Variants in ROBO2 observed in about 807,000 individuals in gnomAD.
The protein encoded by ROBO2 is roundabout homolog 2.
ROBO2 carries 53 observed loss-of-function variants against 160.8 expected under a neutral mutation model. The observed-to-expected ratio is 0.33, with a 90% CI of 0.26 to 0.41. The LOEUF is 0.41. Ranked by LOEUF, ROBO2 falls within the 10% of genes least tolerant of loss-of-function variation. The pLI, the probability that ROBO2 is intolerant of heterozygous loss-of-function variation, is 1.00. For synonymous variants in ROBO2, 664 were observed against 611.7 expected (o/e 1.09, Z -1.26); for missense variants, 1,577 against 1,722.4 (o/e 0.92, Z 1.49).
chr3:76,199,156 C>A (rs537402422), intron 2 of ROBO2, among the ~76,000 whole-genome samples: 1 of 152,260 alleles, frequency 6.6e-6, no homozygotes, highest in African/African-American at 2.4e-5. Flanking sequence ...GCCACCCAAG[C>A]ATTCACATCC....
intron 2 of ROBO2, among the ~76,000 whole-genome samples, chr3:76,622,205 A>T (rs1370675393): frequency 2.8e-4 from 9 of 32,584 alleles, no homozygotes; most frequent in East Asian, 2.2e-3. Flanking sequence ...GAAGGAAGGA[A>T]GGAAGGAAGG....
intron 2 of ROBO2, among the ~76,000 whole-genome samples, chr3:76,112,259 C>G (rs185918361): frequency 4.2e-4 from 64 of 152,068 alleles, no homozygotes; most frequent in Non-Finnish European, 8.8e-5. Flanking sequence ...ATCTTGAACT[C>G]CAAAGTGATT....
chr3:76,149,938 AACAC>A (rs529007098), intron 2 of ROBO2, among the ~76,000 whole-genome samples: 1 of 151,512 alleles, frequency 6.6e-6, no homozygotes, highest in South Asian at 2.1e-4. Flanking sequence ...ATCTGTCTAA[AACAC>A]ACATCTGTCT....
At chr3:77,225,135 T>C (rs1030354406) in intron 2 of ROBO2, among the ~76,000 whole-genome samples, 2 of 151,898 alleles carry the variant, frequency 1.3e-5, no homozygotes, top group Admixed American at 1.3e-4. Flanking sequence ...TACTGTGAAG[T>C]ACATTAAAGC....
At chr3:76,332,223 A>AGG (rs967876165) in intron 2 of ROBO2, among the ~76,000 whole-genome samples, 2 of 152,204 alleles carry the variant, frequency 1.3e-5, no homozygotes, top group African/African-American at 4.8e-5. Flanking sequence ...TTATGGGAAG[A>AGG]GGGATCATGG....
chr3:76,642,080 A>G (rs2090707156), intron 2 of ROBO2, among the ~76,000 whole-genome samples: 2 of 152,108 alleles, frequency 1.3e-5, no homozygotes, highest in African/African-American at 2.4e-5. Context: ...CTATTTTTGC[A>G]ATTTTTCTAT....
At chr3:77,182,274 A>G (rs995751467) in intron 2 of ROBO2, among the ~76,000 whole-genome samples, 1 of 152,118 alleles carries the variant, frequency 6.6e-6, no homozygotes. Flanking sequence ...TTCAGAATTT[A>G]CTTGTTCATT....
intron 16 of ROBO2, among the ~76,000 whole-genome samples, chr3:77,585,018 T>A (rs12489483): frequency 0.075 from 11,183 of 149,928 alleles, 602 homozygotes; most frequent in East Asian, 0.14. Context: ...AGAAAGACAG[T>A]ACAAAATATC....
At chr3:76,519,863 T>G (rs565007183) in intron 2 of ROBO2, among the ~76,000 whole-genome samples, 1 of 152,254 alleles carries the variant, frequency 6.6e-6, no homozygotes, top group South Asian at 2.1e-4. Context: ...TCTGATGCAT[T>G]GATACACTTG....
chr3:76,348,745 G>A (rs1008548810), intron 2 of ROBO2, among the ~76,000 whole-genome samples: 1 of 152,084 alleles, frequency 6.6e-6, no homozygotes, highest in Non-Finnish European at 1.5e-5. Flanking sequence ...CCACAGAGAA[G>A]GTTTGGCAAA....
intron 2 of ROBO2, among the ~76,000 whole-genome samples, chr3:76,906,961 C>T (rs1398528848): frequency 6.6e-6 from 1 of 152,120 alleles, no homozygotes; most frequent in Non-Finnish European, 1.5e-5. Flanking sequence ...GTTATACACG[C>T]CTAAGGGAGA....
At chr3:76,803,427 A>G (rs1159092456) in intron 2 of ROBO2, among the ~76,000 whole-genome samples, 1 of 64,782 alleles carries the variant, frequency 1.5e-5, no homozygotes, top group African/African-American at 9.2e-5. Flanking sequence ...GGAGGATACA[A>G]AAGAGGAGGA....
intron 2 of ROBO2, among the ~76,000 whole-genome samples, chr3:76,439,711 A>G (rs1013476124): frequency 6.6e-6 from 1 of 152,214 alleles, no homozygotes; most frequent in African/African-American, 2.4e-5. Context: ...AGAAAGAACT[A>G]GAAAAATGTA....
chr3:76,373,848 C>T lies in ROBO2; in HGVS notation c.109+436246C>T, dbSNP rs575816658. On this transcript the variant is annotated intron_variant, in intron 2 of 26. Coordinates refer to the ROBO2 transcript ENST00000487694. ...TAAGCTGATCGTTGCTGGGCTCACT[C>T]GTGCTTCTGTGGTCAGTAATGGACT... Among the ~76,000 whole-genome samples the T allele has an allele frequency of 1.1e-4, 17 of 152,014 alleles. No homozygotes were observed. In the South Asian group the frequency reaches 1.7e-3, roughly 15 times the overall value.
intron 2 of ROBO2, among the ~76,000 whole-genome samples, chr3:77,203,495 G>A (rs1386114683): frequency 1.3e-5 from 2 of 152,180 alleles, no homozygotes; most frequent in East Asian, 1.9e-4. Flanking sequence ...ATGTGTAACC[G>A]AGTTATCGGA....
At chr3:76,638,215 G>T (rs1199705849) in intron 2 of ROBO2, among the ~76,000 whole-genome samples, 1 of 152,100 alleles carries the variant, frequency 6.6e-6, no homozygotes, top group East Asian at 1.9e-4. Flanking sequence ...ATGCTTTTGT[G>T]ACTGTGTGAA....
At chr3:77,230,369 C>T (rs1001774603) in intron 2 of ROBO2, among the ~76,000 whole-genome samples, 2 of 152,138 alleles carry the variant, frequency 1.3e-5, no homozygotes, top group Non-Finnish European at 1.5e-5. Flanking sequence ...CAGACGTGAG[C>T]CACCACACCT....
intron 2 of ROBO2, among the ~76,000 whole-genome samples, chr3:76,865,617 T>TA (rs1439252391): frequency 3.2e-4 from 48 of 152,282 alleles, no homozygotes; most frequent in African/African-American, 1.1e-3. Context: ...CCAGATTTGT[T>TA]ACACTGACCT....
chr3:77,343,089 C>A (rs961477513), intron 2 of ROBO2, among the ~76,000 whole-genome samples: 1 of 103,240 alleles, frequency 9.7e-6, no homozygotes, highest in African/African-American at 3.0e-5. Flanking sequence ...AGAGAGAGAA[C>A]TTTCTTATAA....
Sources: gnomAD v4.1 joint callset for allele counts (sites outside exome capture counted in the v4.1 genomes callset) on GRCh38, gnomAD v4.1.1 for gene constraint, MANE v1.5 for transcripts, NCBI Gene and HGNC (gene_info 2026-07-23, HGNC 2026-07-21) for gene names.